Variants in ARL2 observed in about 807,000 individuals in gnomAD.
ARL2 encodes the protein ARF like GTPase 2.
In ARL2, 11 loss-of-function variants were observed where a neutral mutation model predicts 22.0. The ratio of observed to expected loss-of-function variants is 0.50; its 90% CI spans 0.31 to 0.83. The LOEUF (loss-of-function observed/expected upper bound fraction) is 0.83, where lower values mean the gene tolerates loss of function less well. Ranked by LOEUF, ARL2 falls within the 40% of genes least tolerant of loss-of-function variation. ARL2 has a pLI of 0.04. For synonymous variants in ARL2, 111 were observed against 100.8 expected (o/e 1.10, Z -0.61); for missense variants, 216 against 243.2 (o/e 0.89, Z 0.74).
intron 1 of ARL2, among the ~76,000 whole-genome samples, chr11:65,015,409 G>A (rs113314812): frequency 0.01 from 1,539 of 152,302 alleles, 26 homozygotes; most frequent in African/African-American, 0.035. Context: ...GAGCCACTGC[G>A]CCGGGCCGCA....
At chr11:65,014,360 G>C in intron 1 of ARL2, 88 bp downstream of exon 1, 1 of 1,161,686 alleles carries the variant, frequency 8.6e-7, no homozygotes, top group Non-Finnish European at 1.2e-6. Flanking sequence ...GCGGAACGCG[G>C]CGGCCGGCGC....
intron 1 of ARL2, among the ~76,000 whole-genome samples, chr11:65,017,065 G>A (rs114331274): frequency 0.015 from 2,256 of 152,240 alleles, 51 homozygotes; most frequent in African/African-American, 0.051. Flanking sequence ...AAGCCTGATG[G>A]GAGTGTGTTC....
rs751493254 is a variant in ARL2 at position 65,018,514 on chromosome 11, G to T, written c.176+40G>T. The T allele has an allele frequency of 1.2e-6, 2 of 1,602,432 alleles. No homozygotes were observed. Among genetic ancestry groups the T allele is most frequent in the South Asian group, 1.1e-5 (1 of 89,260 alleles). ...CATGGGAGGGCCAGCCCAGAGCAGGGCAGGGAAGGTGGGAGAGGGGCCCAG... is the reference window on the plus strand; with the variant it reads ...CATGGGAGGGCCAGCCCAGAGCAGGTCAGGGAAGGTGGGAGAGGGGCCCAG... On this transcript the variant is annotated intron_variant, in intron 2 of 4. Coordinates refer to ENST00000246747, the MANE Select transcript of ARL2 (RefSeq NM_001667.4). This position sits in a 1 kb window ranked among gnomAD's most constrained non-coding sequence, Gnocchi z 4.2.
intron 4 of ARL2, 59 bp downstream of exon 4, chr11:65,020,558 T>G: frequency 6.8e-7 from 1 of 1,468,296 alleles, no homozygotes; most frequent in Admixed American, 2.2e-5. Context: ...TTATTTATTT[T>G]AAAAGCATTT....
Position 65,021,736 on chromosome 11 carries a change from T to C in ARL2, c.436T>C (p.Ser146Pro). 6.2e-7 allele frequency: 1 copy of C among 1,605,734 alleles called. No individual in the cohort carries two copies. Among genetic ancestry groups the C allele is most frequent in the Non-Finnish European group, 8.5e-7 (1 of 1,176,532 alleles). ...GTCCTCCCAGGTCCTGGAGCTGGAC[T>C]CCATCCGCAGCCACCACTGGTGCAT... ...NAIREVLELDSIRSHHWCIQG... is the reference protein window; with the variant it reads ...NAIREVLELDPIRSHHWCIQG... The change falls in exon 5 of 5, where the codon TCC becomes CCC. Residue 146 changes from serine (S) to proline (P), a missense_variant. By Grantham distance (74) the Ser-to-Pro change is moderately conservative (BLOSUM62 -1). Transcript: ENST00000246747.
At chr11:65,014,557 C>A (rs1463260073) in intron 1 of ARL2, among the ~76,000 whole-genome samples, 1 of 152,210 alleles carries the variant, frequency 6.6e-6, no homozygotes, top group Non-Finnish European at 1.5e-5. Context: ...ACTCGGACGC[C>A]ACCACCCGGC....
intron 1 of ARL2, among the ~76,000 whole-genome samples, chr11:65,016,366 G>A (rs1476631393): frequency 2.6e-5 from 4 of 152,034 alleles, no homozygotes; most frequent in Non-Finnish European, 4.4e-5. Flanking sequence ...GGGCAGTATG[G>A]CTGGAGTGGG....
Position 65,018,276 on chromosome 11 carries a change from G to T in ARL2, c.66-88G>T. 1 of 1,046,088 alleles carries T rather than the reference G, an allele frequency of 9.6e-7. No homozygotes were observed. Among genetic ancestry groups the T allele is most frequent in the East Asian group, 2.6e-5 (1 of 38,660 alleles). 64.8% of individuals were successfully genotyped at this position (1,046,088 alleles called of 1,614,324 possible). A position where few individuals can be genotyped will look rare whatever the true frequency, so the allele number is the denominator to read the frequency against. ...TGCTCAACTCAGTTTGATACATGGT[G>T]GGAAATAATGAGTCCCCTAAGGGGC... On this transcript the variant is annotated intron_variant, in intron 1 of 4. Transcript: ENST00000246747. This position sits in a 1 kb window ranked among gnomAD's most constrained non-coding sequence, Gnocchi z 4.2.
intron 3 of ARL2, among the ~76,000 whole-genome samples, chr11:65,020,109 G>A (rs767106217): frequency 1.3e-5 from 2 of 152,200 alleles, no homozygotes; most frequent in African/African-American, 4.8e-5. Context: ...CTAGAACCAC[G>A]GAGAGCTCAG....
intron 1 of ARL2, among the ~76,000 whole-genome samples, chr11:65,017,041 C>A (rs1266365263): frequency 4.6e-5 from 7 of 152,002 alleles, no homozygotes; most frequent in Non-Finnish European, 1.0e-4. Flanking sequence ...CAGTTTTGGC[C>A]ACAGCAGCAG....
Position 65,021,884 on chromosome 11 carries a change from T to TC in ARL2, c.*31dup. The TC allele has an allele frequency of 6.2e-7, 1 of 1,600,756 alleles. No individual in the cohort carries two copies. The highest frequency in any genetic ancestry group is 8.5e-7 in the Non-Finnish European group (1 of 1,173,530). On this transcript the variant is annotated 3_prime_UTR_variant, in exon 5 of 5. Coordinates refer to ENST00000246747, the MANE Select transcript of ARL2 (RefSeq NM_001667.4). ...ACTCCAGATGCCCCCCACCTAGCAGTCCAGGTCCCTCAACCTTCACCAAAC... is the reference window on the plus strand; with the variant it reads ...ACTCCAGATGCCCCCCACCTAGCAGTCCCAGGTCCCTCAACCTTCACCAAAC...
Position 65,021,913 on chromosome 11 carries a change from AC to A in ARL2, c.*61del. 3 of 1,570,480 alleles carry A rather than the reference AC, an allele frequency of 1.9e-6. No individual in the cohort carries two copies. Among genetic ancestry groups the A allele is most frequent in the South Asian group, 2.3e-5 (2 of 88,306 alleles). On this transcript the variant is annotated 3_prime_UTR_variant, in exon 5 of 5. Transcript: ENST00000246747. The stretch of plus-strand genomic sequence containing the variant: ...GGTCCCTCAACCTTCACCAAACACT[AC>A]CCATGGGGGGTTGGGAGTCAGCCGG...
In ARL2 at chr11:65,018,797, A is replaced by C; in HGVS notation, c.339+64A>C. The C allele has an allele frequency of 6.3e-7, 1 of 1,599,592 alleles. No homozygotes were observed. The highest frequency in any genetic ancestry group is 8.5e-7 in the Non-Finnish European group (1 of 1,176,484). On this transcript the variant is annotated intron_variant, in intron 3 of 4. Coordinates refer to ENST00000246747, the MANE Select transcript of ARL2 (RefSeq NM_001667.4). This position sits in a 1 kb window ranked among gnomAD's most constrained non-coding sequence, Gnocchi z 4.2. ...GTGGCTGCCTTCTCAGCAGATGCCC[A>C]GAGGGGCCCGTGGCCCCAGAGGGAA...
chr11:65,019,055 T>C (rs1590731234), intron 3 of ARL2: 3 of 855,904 alleles, frequency 3.5e-6, no homozygotes, highest in Non-Finnish European at 4.9e-6. Flanking sequence ...CCATGGAGCC[T>C]GGCTCAAGAG....
At chr11:65,015,276 G>T (rs1012412177) in intron 1 of ARL2, among the ~76,000 whole-genome samples, 1 of 152,132 alleles carries the variant, frequency 6.6e-6, no homozygotes, top group Non-Finnish European at 1.5e-5. Context: ...ACCACGCCCG[G>T]CTATTTTTTT....
chr11:65,015,287 A>C (rs1217818791), intron 1 of ARL2, among the ~76,000 whole-genome samples: 1 of 151,942 alleles, frequency 6.6e-6, no homozygotes, highest in African/African-American at 2.4e-5. Context: ...CTATTTTTTT[A>C]AATATTGTTA....
chr11:65,014,941 T>C (rs1352275201), intron 1 of ARL2, among the ~76,000 whole-genome samples: 1 of 151,854 alleles, frequency 6.6e-6, no homozygotes. Context: ...AATCACATCA[T>C]GACTGTTTTG....
intron 1 of ARL2, among the ~76,000 whole-genome samples, chr11:65,016,468 C>T (rs567009034): frequency 1.6e-4 from 25 of 151,974 alleles, no homozygotes; most frequent in African/African-American, 3.4e-4. Flanking sequence ...GAGAAGGAAT[C>T]GCAGACCAGT....
At chr11:65,015,195 C>T (rs1036055640) in intron 1 of ARL2, among the ~76,000 whole-genome samples, 2 of 152,168 alleles carry the variant, frequency 1.3e-5, no homozygotes, top group African/African-American at 2.4e-5. Flanking sequence ...CTCGCTGCAA[C>T]CTCCGCCCCC....
Sources: gnomAD v4.1 joint callset for allele counts (sites outside exome capture counted in the v4.1 genomes callset) on GRCh38, gnomAD v4.1.1 for gene constraint, Gnocchi (gnomAD v3.1) non-coding constraint, MANE v1.5 for transcripts, NCBI Gene and HGNC (gene_info 2026-07-23, HGNC 2026-07-21) for gene names.